SUPT3H: variants seen among roughly 807,000 people sequenced by gnomAD.
The protein encoded by SUPT3H is transcription initiation protein SPT3 homolog.
Under a neutral mutation model 44.3 loss-of-function variants are expected in SUPT3H, and 44 were observed. The ratio of observed to expected loss-of-function variants is 0.99; its 90% CI spans 0.78 to 1.28. SUPT3H has a LOEUF of 1.28. Ranked by LOEUF, SUPT3H falls within the 50% of genes most tolerant of loss-of-function variation. The pLI is 0.00. For synonymous variants in SUPT3H, 124 were observed against 125.6 expected, an observed-to-expected ratio of 0.99 and a Z score of 0.09; for missense variants, 380 against 387.1, an observed-to-expected ratio of 0.98 and a Z score of 0.15.
At chr6:44,866,187 G>C (rs879699708) in intron 10 of SUPT3H, among the ~76,000 whole-genome samples, 4 of 147,676 alleles carry the variant, frequency 2.7e-5, no homozygotes, top group Non-Finnish European at 5.9e-5. Context: ...TGAAAAGAGT[G>C]AATAACTTTT....
intron 2 of SUPT3H, among the ~76,000 whole-genome samples, chr6:45,230,775 C>T (rs889585351): frequency 4.0e-5 from 6 of 149,930 alleles, no homozygotes; most frequent in African/African-American, 1.2e-4. Flanking sequence ...TGGGTTCAAG[C>T]GATTCCCCTG....
At chr6:44,859,741 T>G (rs995626310) in intron 10 of SUPT3H, among the ~76,000 whole-genome samples, 5 of 152,232 alleles carry the variant, frequency 3.3e-5, no homozygotes, top group Non-Finnish European at 7.3e-5. Context: ...CCATTTATCT[T>G]TTAACTATTT....
chr6:45,343,517 A>T (rs1790247659), intron 2 of SUPT3H, among the ~76,000 whole-genome samples: 1 of 152,176 alleles, frequency 6.6e-6, no homozygotes, highest in Admixed American at 6.5e-5. Flanking sequence ...TCACATTCAT[A>T]CACCCCTCAG....
chr6:45,335,511 A>G (rs1047032044), intron 2 of SUPT3H, among the ~76,000 whole-genome samples: 1 of 151,310 alleles, frequency 6.6e-6, no homozygotes, highest in African/African-American at 2.4e-5. Context: ...ACAGCTCATT[A>G]AAATACATTT....
At chr6:44,868,586 G>A (rs1347402546) in intron 10 of SUPT3H, among the ~76,000 whole-genome samples, 2 of 152,080 alleles carry the variant, frequency 1.3e-5, no homozygotes, top group Non-Finnish European at 2.9e-5. Flanking sequence ...GCAACCCAAC[G>A]CTGCTCCACC....
chr6:45,075,158 T>C (rs1320641106), intron 3 of SUPT3H, among the ~76,000 whole-genome samples: 4 of 152,106 alleles, frequency 2.6e-5, no homozygotes, highest in Non-Finnish European at 4.4e-5. Flanking sequence ...AATATGCCAC[T>C]ATTAGCAGAA....
At chr6:45,307,404 C>A (rs1783214346) in intron 2 of SUPT3H, among the ~76,000 whole-genome samples, 1 of 152,180 alleles carries the variant, frequency 6.6e-6, no homozygotes, top group South Asian at 2.1e-4. Flanking sequence ...CGGCTGGGTA[C>A]CCCTCTGAGA....
At chr6:45,234,206 G>A (rs1203374739) in intron 2 of SUPT3H, among the ~76,000 whole-genome samples, 3 of 152,068 alleles carry the variant, frequency 2.0e-5, no homozygotes, top group Non-Finnish European at 2.9e-5. Flanking sequence ...TGTCTGGAGT[G>A]AGTATCAGTT....
intron 3 of SUPT3H, among the ~76,000 whole-genome samples, chr6:45,096,899 T>C (rs1341271840): frequency 1.3e-5 from 2 of 152,138 alleles, no homozygotes; most frequent in Non-Finnish European, 1.5e-5. Flanking sequence ...TTGATATATA[T>C]CTATCAGGAG....
At chr6:45,103,598 T>C (rs760943468) in intron 3 of SUPT3H, among the ~76,000 whole-genome samples, 1 of 151,812 alleles carries the variant, frequency 6.6e-6, no homozygotes, top group Admixed American at 6.6e-5. Flanking sequence ...GGTAAAGCCA[T>C]AGGAATTACA....
chr6:44,868,418 T>C (rs1775842873), intron 10 of SUPT3H, among the ~76,000 whole-genome samples: 1 of 152,238 alleles, frequency 6.6e-6, no homozygotes, highest in Admixed American at 6.5e-5. Flanking sequence ...ACCATCCATT[T>C]CAGCCTTTTA....
At chr6:45,368,695 T>C (rs921668508) in intron 1 of SUPT3H, among the ~76,000 whole-genome samples, 5 of 152,154 alleles carry the variant, frequency 3.3e-5, no homozygotes, top group East Asian at 3.8e-4. Flanking sequence ...AGAGAAGTTT[T>C]AATCTTTTCT....
At chr6:44,946,637 T>C (rs1240925577) in intron 9 of SUPT3H, among the ~76,000 whole-genome samples, 2 of 152,156 alleles carry the variant, frequency 1.3e-5, no homozygotes, top group Non-Finnish European at 2.9e-5. Context: ...CTCAATCTCA[T>C]GATAAAACTT....
chr6:45,187,605 T>C (rs1011972915), intron 2 of SUPT3H, among the ~76,000 whole-genome samples: 9 of 152,316 alleles, frequency 5.9e-5, no homozygotes, highest in African/African-American at 9.6e-5. Flanking sequence ...AAAAGACACT[T>C]TTCTTCCCAA....
intron 10 of SUPT3H, among the ~76,000 whole-genome samples, chr6:44,931,976 T>G (rs1179466081): frequency 1.3e-5 from 2 of 152,214 alleles, no homozygotes; most frequent in Non-Finnish European, 2.9e-5. Flanking sequence ...CAAACTTTAC[T>G]TTCTGTTGAA....
At position 45,190,354 on chromosome 6, in the gene SUPT3H, A is replaced by C. The variant is rs73735305; in HGVS notation, c.102-84348T>G. On this transcript the variant is annotated intron_variant, in intron 2 of 10. Transcript: ENST00000371459. ...ATTAGGAATTCTCATTGGCCCAAAG[A>C]AATCAGTGGTTTCAATGCAAAGCTT... Among the ~76,000 whole-genome samples the C allele has an allele frequency of 3.9e-3, 590 of 152,286 alleles. 7 individuals are homozygous for C. The highest frequency in any genetic ancestry group is 0.014 in the African/African-American group (562 of 41,584).
chr6:45,286,464 T>G (rs575566821), intron 2 of SUPT3H, among the ~76,000 whole-genome samples: 4 of 152,202 alleles, frequency 2.6e-5, no homozygotes, highest in Admixed American at 2.6e-4. Flanking sequence ...AAGAAGACAT[T>G]TATGCAACCA....
At chr6:45,254,511 T>C (rs558566719) in intron 2 of SUPT3H, among the ~76,000 whole-genome samples, 18 of 152,276 alleles carry the variant, frequency 1.2e-4, no homozygotes, top group East Asian at 9.6e-4. Flanking sequence ...AGGTCAAAGA[T>C]TGGCAAAGAT....
At position 45,275,493 on chromosome 6, in the gene SUPT3H, G is replaced by A. The variant is rs142812543; in HGVS notation, c.101+89708C>T. Reference sequence around the variant, plus strand: ...TGTCAGTATTCATCTAAAGTATCACGTCTTGAAAGACAGGAAAAGAATGAA... The same window carrying A: ...TGTCAGTATTCATCTAAAGTATCACATCTTGAAAGACAGGAAAAGAATGAA... On this transcript the variant is annotated intron_variant, in intron 2 of 10. Transcript: ENST00000371459. Among the ~76,000 whole-genome samples the A allele has an allele frequency of 8.2e-3, 1,245 of 152,094 alleles. 11 individuals carry two copies. The highest frequency in any genetic ancestry group is 0.028 in the Middle Eastern group (8 of 288).
Sources: allele counts gnomAD v4.1 joint callset (sites outside exome capture counted in the v4.1 genomes callset), GRCh38; gene constraint gnomAD v4.1.1; transcripts MANE v1.5; gene names NCBI Gene and HGNC (gene_info 2026-07-23, HGNC 2026-07-21).